NAALADL2: variants seen among roughly 807,000 people sequenced by gnomAD.
NAALADL2 encodes N-acetylated alpha-linked acidic dipeptidase like 2.
A neutral mutation model predicts 87.2 loss-of-function variants in NAALADL2; 76 were observed. That is an observed-to-expected ratio of 0.87 (90% CI 0.72 to 1.05). The LOEUF is 1.05. NAALADL2 is among the 50% of genes least tolerant of loss of function. NAALADL2 has a pLI of 0.00. For synonymous variants in NAALADL2, 354 were observed against 331.0 expected, an observed-to-expected ratio of 1.07 and a Z score of -0.75; for missense variants, 1,089 against 945.8, an observed-to-expected ratio of 1.15 and a Z score of -1.99.
Position 175,221,789 on chromosome 3 carries a change from T to A in NAALADL2, c.546-12142T>A, listed in dbSNP as rs562729701. Among the ~76,000 whole-genome samples, 24 of 100,576 alleles carry A rather than the reference T, an allele frequency of 2.4e-4. No individual in the cohort carries two copies. In the South Asian group the frequency reaches 6.2e-3, roughly 26 times the overall value. The allele number at this position is 100,576 out of a possible 152,430, so 66.0% of individuals were successfully genotyped here. ...TATTTATTTATTTATTTATTTATTT[T>A]TTTGGAGATGGAGTCTCGCTCTGTC... is the stretch of plus-strand genomic sequence containing the variant. On this transcript the variant is annotated intron_variant, in intron 2 of 13. Coordinates refer to ENST00000454872, the MANE Select transcript of NAALADL2 (RefSeq NM_207015.3).
chr3:175,005,404 A>C (rs1233931219), intron 1 of NAALADL2, among the ~76,000 whole-genome samples: 1 of 152,124 alleles, frequency 6.6e-6, no homozygotes, highest in Non-Finnish European at 1.5e-5. Flanking sequence ...CTTTATAATA[A>C]CCTATTTTTA....
intron 3 of NAALADL2, among the ~76,000 whole-genome samples, chr3:175,236,416 G>A (rs573334934): frequency 6.6e-6 from 1 of 151,988 alleles, no homozygotes; most frequent in South Asian, 2.1e-4. Context: ...GGGCCCGGTG[G>A]CAGGCTCCTG....
At chr3:174,663,341 T>C (rs966888605) in intron 2 of NAALADL2, among the ~76,000 whole-genome samples, 1 of 152,160 alleles carries the variant, frequency 6.6e-6, no homozygotes, top group Non-Finnish European at 1.5e-5. Flanking sequence ...TCTTAGTCTA[T>C]TTGCATTGCT....
chr3:175,719,225 A>G (rs1030221050), intron 11 of NAALADL2, among the ~76,000 whole-genome samples: 1 of 152,034 alleles, frequency 6.6e-6, no homozygotes, highest in Non-Finnish European at 1.5e-5. Flanking sequence ...GGGTTACAAA[A>G]AAAAAAAAGG....
chr3:175,145,547 G>T (rs1365637610), intron 2 of NAALADL2, among the ~76,000 whole-genome samples: 1 of 151,928 alleles, frequency 6.6e-6, no homozygotes, highest in Non-Finnish European at 1.5e-5. Context: ...CCTTTCTTAA[G>T]CCTAGATTTA....
chr3:174,807,457 C>A (rs1719639887), intron 3 of NAALADL2, among the ~76,000 whole-genome samples: 1 of 152,072 alleles, frequency 6.6e-6, no homozygotes, highest in South Asian at 2.1e-4. Flanking sequence ...TCACTGGATG[C>A]AAATTTTAAT....
intron 13 of NAALADL2, among the ~76,000 whole-genome samples, chr3:175,770,836 G>A (rs62286131): frequency 0.085 from 12,967 of 152,192 alleles, 571 homozygotes; most frequent in Middle Eastern, 0.1. Flanking sequence ...TGTAATATAG[G>A]CACCAAATGT....
intron 1 of NAALADL2, among the ~76,000 whole-genome samples, chr3:174,911,699 G>A (rs966167226): frequency 1.3e-5 from 2 of 152,064 alleles, no homozygotes; most frequent in African/African-American, 4.8e-5. Flanking sequence ...AATGAAAGGA[G>A]CCCTAGTACA....
chr3:174,953,644 G>T (rs1242537171), intron 1 of NAALADL2, among the ~76,000 whole-genome samples: 1 of 151,854 alleles, frequency 6.6e-6, no homozygotes, highest in African/African-American at 2.4e-5. Context: ...GATGCACGGT[G>T]TCTATTCCCT....
At chr3:175,327,976 G>A (rs1760943695) in intron 5 of NAALADL2, among the ~76,000 whole-genome samples, 1 of 152,170 alleles carries the variant, frequency 6.6e-6, no homozygotes, top group Admixed American at 6.5e-5. Context: ...GGATGGATTA[G>A]GAATCTTTGC....
intron 11 of NAALADL2, among the ~76,000 whole-genome samples, chr3:175,650,400 C>G (rs1405955486): frequency 4.6e-5 from 7 of 152,112 alleles, no homozygotes; most frequent in Non-Finnish European, 1.5e-5. Flanking sequence ...TGGAAATACT[C>G]TATAGCTGGA....
At chr3:174,735,707 G>A (rs1242598490) in intron 2 of NAALADL2, among the ~76,000 whole-genome samples, 1 of 152,080 alleles carries the variant, frequency 6.6e-6, no homozygotes, top group Non-Finnish European at 1.5e-5. Flanking sequence ...CCACAGGCAT[G>A]CACCATCATG....
At chr3:175,459,524 G>A (rs1445760234) in intron 6 of NAALADL2, among the ~76,000 whole-genome samples, 5 of 150,038 alleles carry the variant, frequency 3.3e-5, no homozygotes, top group African/African-American at 1.2e-4. Flanking sequence ...GAGAGAAAAT[G>A]GTCAAAAAAG....
chr3:174,471,929 A>G (rs1001971707), intron 1 of NAALADL2, among the ~76,000 whole-genome samples: 2 of 152,186 alleles, frequency 1.3e-5, no homozygotes, highest in Admixed American at 1.3e-4. Flanking sequence ...TGAACTGATG[A>G]TAGCTGTATC....
intron 1 of NAALADL2, among the ~76,000 whole-genome samples, chr3:174,892,715 G>A (rs1263566776): frequency 6.6e-6 from 1 of 151,972 alleles, no homozygotes; most frequent in African/African-American, 2.4e-5. Flanking sequence ...CCTGAGCTCA[G>A]GAGTTCGAGA....
At chr3:175,534,074 T>G (rs1734467457) in intron 9 of NAALADL2, among the ~76,000 whole-genome samples, 1 of 151,332 alleles carries the variant, frequency 6.6e-6, no homozygotes, top group African/African-American at 2.4e-5. Flanking sequence ...ATAAATTATT[T>G]ATTATGCCAA....
intron 2 of NAALADL2, among the ~76,000 whole-genome samples, chr3:175,227,422 T>A (rs773274080): frequency 6.6e-6 from 1 of 152,080 alleles, no homozygotes; most frequent in Non-Finnish European, 1.5e-5. Context: ...CCAAAACTAC[T>A]GGCCCGTGGA....
chr3:174,637,067 G>A (rs1227363754), intron 2 of NAALADL2, among the ~76,000 whole-genome samples: 1 of 152,092 alleles, frequency 6.6e-6, no homozygotes, highest in East Asian at 1.9e-4. Context: ...AATAAGCAAG[G>A]CACAGAAACA....
chr3:174,765,143 C>CACGAGA (rs150906568), intron 3 of NAALADL2, among the ~76,000 whole-genome samples: 23 of 124,634 alleles, frequency 1.8e-4, no homozygotes, highest in African/African-American at 5.0e-4. Context: ...CACACACACA[C>CACGAGA]GAGAGAGAGA....
Sources: gnomAD v4.1 joint callset for allele counts (sites outside exome capture counted in the v4.1 genomes callset) on GRCh38, gnomAD v4.1.1 for gene constraint, MANE v1.5 for transcripts, NCBI Gene and HGNC (gene_info 2026-07-23, HGNC 2026-07-21) for gene names.